The following NTRK3 variants were observed in gnomAD, a reference collection of about 807,000 sequenced individuals.
The protein encoded by NTRK3 is neurotrophic receptor tyrosine kinase 3.
NTRK3 carries 24 observed loss-of-function variants against 91.7 expected under a neutral mutation model. That is an observed-to-expected ratio of 0.26 (90% CI 0.19 to 0.37). The LOEUF is 0.37. Ranked by LOEUF, NTRK3 falls within the 10% of genes least tolerant of loss-of-function variation. The pLI, the probability that NTRK3 is intolerant of heterozygous loss-of-function variation, is 1.00. For missense variants in NTRK3, 880 were observed against 1,068.9 expected, an observed-to-expected ratio of 0.82 and a Z score of 2.46; for synonymous variants, 483 against 404.0, an observed-to-expected ratio of 1.20 and a Z score of -2.34.
rs888280882 is a variant in NTRK3 at position 88,237,335 on chromosome 15, C to A, written c.248+18571G>T. ...ATGTATTTACATGTCCCAAAGAAAA[C>A]AATTCCATAGCCCTATTTTGTGACC... On this transcript the variant is annotated intron_variant, in intron 3 of 18. Coordinates refer to ENST00000394480, the Ensembl canonical transcript of NTRK3. This position sits in a 1 kb window ranked among gnomAD's most constrained non-coding sequence, Gnocchi z 4.0. 3.9e-5 allele frequency among the ~76,000 whole-genome samples: 6 copies of A among 152,114 alleles called. No individual in the cohort carries two copies. Among genetic ancestry groups the A allele is most frequent in the African/African-American group, 7.2e-5 (3 of 41,434 alleles).
intron 17 of NTRK3, among the ~76,000 whole-genome samples, chr15:87,894,409 G>A (rs937847277): frequency 2.0e-5 from 3 of 152,212 alleles, no homozygotes; most frequent in African/African-American, 7.2e-5. Flanking sequence ...ACTGTGGGGA[G>A]GTGGTTTAGA....
intron 3 of NTRK3, among the ~76,000 whole-genome samples, chr15:88,208,885 G>C (rs201838652): frequency 5.8e-5 from 1 of 17,224 alleles, no homozygotes; most frequent in Admixed American, 5.7e-4. Context: ...GTTCCTTAGG[G>C]GATCAAGTTA....
chr15:87,991,357 C>G (rs2075274148), intron 14 of NTRK3, among the ~76,000 whole-genome samples: 1 of 152,190 alleles, frequency 6.6e-6, no homozygotes, highest in Non-Finnish European at 1.5e-5. Context: ...TGCATTTTAA[C>G]AGAATCCTCA....
chr15:88,194,009 G>C (rs976928135), intron 3 of NTRK3, among the ~76,000 whole-genome samples: 1 of 152,102 alleles, frequency 6.6e-6, no homozygotes, highest in Non-Finnish European at 1.5e-5. Context: ...AAACTGCACT[G>C]TCAAGGTCAC....
rs534326051 is a variant in NTRK3, at chr15:88,183,732, C to A, written c.324-243G>T. ...CAGGGGTCATACTGGCAGCTGCCCT[C>A]CACCCATCCTGGCCAGTAGGTAAGG... On this transcript the variant is annotated intron_variant, in intron 4 of 18. Transcript: ENST00000394480. Among the ~76,000 whole-genome samples the A allele has an allele frequency of 6.6e-5, 10 of 152,322 alleles. No individual in the cohort carries two copies. In the East Asian group the frequency reaches 1.9e-3, roughly 29 times the overall value.
exon 13 of NTRK3, chr15:88,126,282 A>T: frequency 6.2e-7 from 1 of 1,613,516 alleles, no homozygotes; most frequent in East Asian, 2.2e-5. Flanking sequence ...CTTCATTCCA[A>T]ATTTGGACCG....
At chr15:88,142,783 T>C (rs2042513543) in intron 6 of NTRK3, among the ~76,000 whole-genome samples, 1 of 152,202 alleles carries the variant, frequency 6.6e-6, no homozygotes, top group African/African-American at 2.4e-5. Flanking sequence ...CCAAAAGATA[T>C]ATCCAAGTCC....
intron 14 of NTRK3, among the ~76,000 whole-genome samples, chr15:87,989,939 G>C (rs1344316543): frequency 6.6e-6 from 1 of 152,126 alleles, no homozygotes; most frequent in African/African-American, 2.4e-5. Flanking sequence ...AATTCATTTT[G>C]AGTGAAAATA....
At chr15:88,155,505 C>T (rs970687835) in intron 5 of NTRK3, among the ~76,000 whole-genome samples, 17 of 152,214 alleles carry the variant, frequency 1.1e-4, no homozygotes, top group African/African-American at 4.1e-4. Context: ...ACGTCACAAA[C>T]TTTGTGTTAA....
intron 14 of NTRK3, among the ~76,000 whole-genome samples, chr15:87,943,248 G>A (rs1039997514): frequency 6.7e-5 from 10 of 150,370 alleles, no homozygotes; most frequent in Non-Finnish European, 1.5e-4. Flanking sequence ...GCCAGCTGAA[G>A]AAGTTTACCT....
At chr15:88,081,752 C>G (rs976343025) in intron 13 of NTRK3, among the ~76,000 whole-genome samples, 3 of 152,222 alleles carry the variant, frequency 2.0e-5, no homozygotes, top group African/African-American at 7.2e-5. Flanking sequence ...GGCTGGTTCC[C>G]ATGCCCGCTT....
chr15:87,938,534 C>G (rs1022244388), intron 15 of NTRK3, among the ~76,000 whole-genome samples: 5 of 152,140 alleles, frequency 3.3e-5, no homozygotes, highest in Admixed American at 3.3e-4. Flanking sequence ...TCCTCCAGAT[C>G]CAAGGAAAGA....
intron 15 of NTRK3, among the ~76,000 whole-genome samples, chr15:87,933,816 G>A (rs75092268): frequency 0.023 from 3,550 of 152,262 alleles, 55 homozygotes; most frequent in Non-Finnish European, 0.034. Flanking sequence ...CGGCAGCTAC[G>A]GGAATGGCAG....
chr15:87,870,640 C>T (rs777373814), exon 19 of NTRK3: 15 of 214,900 alleles, frequency 7.0e-5, no homozygotes, highest in Non-Finnish European at 1.4e-4. Context: ...TGTCAGAGTA[C>T]ACCGTAAGTA....
chr15:88,006,845 CTG>C (rs2076528732), intron 14 of NTRK3, among the ~76,000 whole-genome samples: 1 of 152,176 alleles, frequency 6.6e-6, no homozygotes, highest in Admixed American at 6.5e-5. Context: ...AGTTTCCAAA[CTG>C]TGGATTTCAG....
chr15:87,961,285 A>G (rs1157461147), intron 14 of NTRK3, among the ~76,000 whole-genome samples: 1 of 152,236 alleles, frequency 6.6e-6, no homozygotes, highest in Non-Finnish European at 1.5e-5. Flanking sequence ...AACCTGATGC[A>G]TAGCCTACAC....
chr15:88,098,943 T>C (rs1263577774), intron 13 of NTRK3: 4 of 232,386 alleles, frequency 1.7e-5, no homozygotes, highest in African/African-American at 8.8e-5. Flanking sequence ...TTACTGGGGT[T>C]TTTAATTTGT....
chr15:88,116,034 T>C (rs2052027727), intron 13 of NTRK3, among the ~76,000 whole-genome samples: 1 of 152,150 alleles, frequency 6.6e-6, no homozygotes, highest in Admixed American at 6.5e-5. Context: ...CTCAAGGAGC[T>C]CTGAGCTGGG....
intron 17 of NTRK3, among the ~76,000 whole-genome samples, chr15:87,926,196 C>T (rs2068292881): frequency 6.6e-6 from 1 of 152,154 alleles, no homozygotes; most frequent in Non-Finnish European, 1.5e-5. Flanking sequence ...GATAATAAGA[C>T]TTCAGGGTTC....
Sources: gnomAD v4.1 joint callset for allele counts (sites outside exome capture counted in the v4.1 genomes callset) on GRCh38, gnomAD v4.1.1 for gene constraint, Gnocchi (gnomAD v3.1) non-coding constraint, MANE v1.5 for transcripts, NCBI Gene and HGNC (gene_info 2026-07-23, HGNC 2026-07-21) for gene names.